The following PREX2 variants were observed in gnomAD, a reference collection of about 807,000 sequenced individuals.
PREX2 encodes phosphatidylinositol-3,4,5-trisphosphate dependent Rac exchange factor 2, also known as phosphatidylinositol 3,4,5-trisphosphate-dependent Rac exchanger 2 protein.
PREX2 carries 107 observed loss-of-function variants against 203.2 expected under a neutral mutation model. The ratio of observed to expected loss-of-function variants is 0.53; its 90% confidence interval spans 0.45 to 0.62. The LOEUF (loss-of-function observed/expected upper bound fraction) is 0.62, where lower values mean the gene tolerates loss of function less well. PREX2 is among the 20% of genes least tolerant of loss of function. The pLI is 0.00. For missense variants in PREX2, 1,777 were observed against 1,955.9 expected, an observed-to-expected ratio of 0.91 and a Z score of 1.72; for synonymous variants, 672 against 663.6, an observed-to-expected ratio of 1.01 and a Z score of -0.19.
chr8:68,153,717 A>G (rs1243280689), intron 34 of PREX2, among the ~76,000 whole-genome samples: 1 of 152,306 alleles, frequency 6.6e-6, no homozygotes. Flanking sequence ...CTTCTCTGTC[A>G]TACAAATTTT....
At chr8:68,194,399 G>T (rs769788460) in intron 37 of PREX2, among the ~76,000 whole-genome samples, 2 of 152,160 alleles carry the variant, frequency 1.3e-5, no homozygotes, top group African/African-American at 2.4e-5. Context: ...GAAAAGATAG[G>T]CAGATTGAAT....
At chr8:68,094,927 C>T (rs1030165009) in intron 21 of PREX2, 5 of 152,244 alleles carry the variant, frequency 3.3e-5, no homozygotes, top group Non-Finnish European at 7.3e-5. Context: ...TCAGCGGGTT[C>T]CCACATCCCT....
intron 31 of PREX2, among the ~76,000 whole-genome samples, chr8:68,130,471 T>C (rs1810985237): frequency 6.6e-6 from 1 of 152,148 alleles, no homozygotes. Context: ...CCATGAGCAA[T>C]AAAGCTGAGC....
At chr8:68,123,544 C>T (rs1442106873) in intron 30 of PREX2, among the ~76,000 whole-genome samples, 3 of 151,786 alleles carry the variant, frequency 2.0e-5, no homozygotes, top group Admixed American at 1.3e-4. Context: ...TTAGAAATGA[C>T]AAAGGAGATA....
chr8:68,202,535 A>G (rs947825558), intron 37 of PREX2, among the ~76,000 whole-genome samples: 1 of 152,202 alleles, frequency 6.6e-6, no homozygotes, highest in African/African-American at 2.4e-5. Flanking sequence ...GGAGGCAGGG[A>G]GACAGCAGGA....
chr8:68,221,955 C>T (rs759364803), intron 38 of PREX2, among the ~76,000 whole-genome samples: 17 of 151,848 alleles, frequency 1.1e-4, no homozygotes, highest in East Asian at 1.9e-4. Flanking sequence ...TTGTAAATAA[C>T]GAGAGGCTGA....
chr8:68,165,145 G>T (rs530418364), intron 35 of PREX2, among the ~76,000 whole-genome samples: 1 of 151,836 alleles, frequency 6.6e-6, no homozygotes, highest in African/African-American at 2.4e-5. Flanking sequence ...TGATTCAGAT[G>T]TAATCTCAGC....
chr8:68,119,998 A>G (rs1290966898), intron 28 of PREX2, among the ~76,000 whole-genome samples, 198 bp from the exon 29 acceptor site: 3 of 152,186 alleles, frequency 2.0e-5, no homozygotes, highest in African/African-American at 7.2e-5. Flanking sequence ...ATATATGGTA[A>G]GATAGTAAGA....
intron 37 of PREX2, among the ~76,000 whole-genome samples, chr8:68,199,033 A>G (rs746529607): frequency 3.3e-5 from 5 of 152,150 alleles, no homozygotes; most frequent in Non-Finnish European, 7.4e-5. Flanking sequence ...GGGTGAATCT[A>G]TTCCAGGAAA....
At chr8:68,080,368 T>C in intron 15 of PREX2, 75 bp from the exon 16 acceptor site, 2 of 1,343,482 alleles carry the variant, frequency 1.5e-6, no homozygotes, top group Admixed American at 3.6e-5. Context: ...TATTAATTTG[T>C]AAATGTCACT....
In PREX2 at chr8:68,096,921, G is replaced by T. The variant is rs3812457; in HGVS notation, c.2369-96G>T. The T allele has an allele frequency of 1.6e-4, 154 of 976,026 alleles. No homozygotes were observed. The East Asian group carries it at 3.7e-3, about 24-fold the overall frequency. 60.5% of individuals were successfully genotyped at this position (976,026 alleles called of 1,614,324 possible). ...ACATCAGATTTAACCATCCCTTAAA[G>T]AACTCTTTAAAAATTATTTAAAGAG... On this transcript the variant is annotated intron_variant, in intron 21 of 39. Transcript: ENST00000288368.
chr8:67,967,289 C>G (rs1805803952), intron 1 of PREX2, among the ~76,000 whole-genome samples: 1 of 152,174 alleles, frequency 6.6e-6, no homozygotes, highest in Non-Finnish European at 1.5e-5. Context: ...CATGGTGACA[C>G]TAAGACTTAA....
At chr8:68,060,545 C>T (rs13256105) in intron 10 of PREX2, 134 bp from the exon 11 acceptor site, 117,899 of 613,232 alleles carry the variant, frequency 0.19, 12,281 homozygotes, top group South Asian at 0.23. Flanking sequence ...AAAAAATAAT[C>T]TGTTGAAATG....
intron 34 of PREX2, among the ~76,000 whole-genome samples, chr8:68,152,430 G>A (rs1035732024): frequency 6.6e-6 from 1 of 150,808 alleles, no homozygotes; most frequent in Non-Finnish European, 1.5e-5. Flanking sequence ...TTAGGAGTCT[G>A]TGGGAAGGTG....
At chr8:67,996,679 A>AGT (rs1428576350) in intron 1 of PREX2, among the ~76,000 whole-genome samples, 10 of 152,166 alleles carry the variant, frequency 6.6e-5, no homozygotes, top group Non-Finnish European at 1.3e-4. Context: ...TTTTATGGTT[A>AGT]ATATATCATT....
chr8:68,133,842 AT>A (rs1349663481), intron 31 of PREX2, among the ~76,000 whole-genome samples: 16 of 152,216 alleles, frequency 1.1e-4, no homozygotes, highest in Admixed American at 5.2e-4. Flanking sequence ...TTAGGAAAAA[AT>A]ATTTTAATAT....
intron 37 of PREX2, among the ~76,000 whole-genome samples, chr8:68,209,621 G>A (rs1812707003): frequency 6.6e-6 from 1 of 152,100 alleles, no homozygotes; most frequent in Admixed American, 6.5e-5. Flanking sequence ...TGAAAATGAG[G>A]TAATGTACGT....
intron 8 of PREX2, among the ~76,000 whole-genome samples, chr8:68,051,539 T>A (rs1808527266): frequency 6.6e-6 from 1 of 152,120 alleles, no homozygotes; most frequent in African/African-American, 2.4e-5. Flanking sequence ...AATTTCTGAA[T>A]TTTTTCCCCC....
chr8:68,060,720 G>A lies in PREX2; in HGVS notation c.1280G>A (p.Arg427Lys), dbSNP rs141759315. The change falls in exon 11 of 40, where the codon AGG (arginine) becomes AAG (lysine). Residue 427 changes from arginine (R) to lysine (K), a missense_variant. Physicochemically the swap from Arg to Lys is conservative, Grantham distance 26. Transcript: ENST00000288368. ...SWLLEIGEIH[R>K]PEEGVHLGQA... is the part of the protein sequence containing the mutation. ...CTGTTGGAAATTGGAGAGATTCACA[G>A]GCCTGAGGAAGGCGTGCACTTGGGA... 136 of 1,613,026 alleles carry A rather than the reference G, an allele frequency of 8.4e-5. No individual in the cohort carries two copies. In the African/African-American group the frequency reaches 1.6e-3, roughly 19 times the overall value.
Sources: gnomAD v4.1 joint callset for allele counts (sites outside exome capture counted in the v4.1 genomes callset) on GRCh38, gnomAD v4.1.1 for gene constraint, MANE v1.5 for transcripts, NCBI Gene and HGNC (gene_info 2026-07-23, HGNC 2026-07-21) for gene names.